The following RYR2 variants were observed in gnomAD, a reference collection of about 807,000 sequenced individuals.
RYR2 encodes ryanodine receptor 2.
Under a neutral mutation model 601.1 loss-of-function variants are expected in RYR2, and 227 were observed. That is an observed-to-expected ratio of 0.38 (90% confidence interval 0.34 to 0.42). The LOEUF is 0.42. Ranked by LOEUF, RYR2 falls within the 10% of genes least tolerant of loss-of-function variation. RYR2 has a pLI of 1.00. For synonymous variants in RYR2, 2,223 were observed against 2,175.1 expected (o/e 1.02, Z -0.61); for missense variants, 4,646 against 6,156.5 (o/e 0.75, Z 8.21).
chr1:237,263,616 A>C (rs1231602554), intron 1 of RYR2, among the ~76,000 whole-genome samples: 1 of 152,202 alleles, frequency 6.6e-6, no homozygotes, highest in Non-Finnish European at 1.5e-5. Context: ...TGAGTGCTTC[A>C]AGATGTTTGT....
chr1:237,279,992 A>C (rs143262911), intron 2 of RYR2, among the ~76,000 whole-genome samples: 1 of 152,238 alleles, frequency 6.6e-6, no homozygotes. Flanking sequence ...TGGGCCTTGT[A>C]GATGTAACAA....
rs546732183 is a variant in RYR2, at chr1:237,649,966, C to G, written c.7602C>G (p.Leu2534=). ...CATTGTTAACAAGATGTGCTCCTCT[C>G]TTTGCTGGCACAGAGCACCACGCTT... is the stretch of plus-strand genomic sequence containing the variant. ...VLPLLTRCAP[L]FAGTEHHASL... is the part of the protein sequence containing the mutation. Residue 2534 remains leucine, a synonymous_variant, in exon 50 of 105, where the codon CTC becomes CTG. Transcript: ENST00000366574. The G allele has an allele frequency of 6.2e-6, 10 of 1,614,028 alleles. No individual in the cohort carries two copies. The highest frequency in any genetic ancestry group is 8.5e-6 in the Non-Finnish European group (10 of 1,179,898).
chr1:237,342,314 T>TA (rs1491528256), intron 3 of RYR2, among the ~76,000 whole-genome samples: 41 of 88,642 alleles, frequency 4.6e-4, no homozygotes, highest in African/African-American at 1.9e-3. Flanking sequence ...GGCTAATTAA[T>TA]TTTTTTTTTT....
At chr1:237,799,149 A>AAAT (rs1352228266) in intron 97 of RYR2, among the ~76,000 whole-genome samples, 5 of 152,240 alleles carry the variant, frequency 3.3e-5, no homozygotes, top group African/African-American at 7.2e-5. Context: ...TTGGATCAGC[A>AAAT]AATATGAATT....
At chr1:237,769,903 G>A (rs1694142417) in intron 84 of RYR2, among the ~76,000 whole-genome samples, 1 of 151,910 alleles carries the variant, frequency 6.6e-6, no homozygotes, top group Non-Finnish European at 1.5e-5. Flanking sequence ...CATTTGTGTG[G>A]TGCTGTTCTG....
At chr1:237,674,051 C>A in intron 58 of RYR2, 45 bp from the exon 59 acceptor site, 1 of 1,539,062 alleles carries the variant, frequency 6.5e-7, no homozygotes, top group Non-Finnish European at 8.9e-7. Flanking sequence ...ATCTCAGATT[C>A]TTTTCAAATT....
At chr1:237,370,213 C>T (rs1189850782) in intron 6 of RYR2, among the ~76,000 whole-genome samples, 1 of 151,880 alleles carries the variant, frequency 6.6e-6, no homozygotes, top group Non-Finnish European at 1.5e-5. Context: ...ATTACATATA[C>T]AGCTGACCCT....
At chr1:237,380,655 AAAG>A (rs1326951723) in intron 8 of RYR2, among the ~76,000 whole-genome samples, 1 of 151,848 alleles carries the variant, frequency 6.6e-6, no homozygotes, top group African/African-American at 2.4e-5. Context: ...AAGAATGGTT[AAAG>A]AAGTTAGGCA....
intron 2 of RYR2, among the ~76,000 whole-genome samples, chr1:237,288,355 G>T (rs1691795240): frequency 6.6e-6 from 1 of 152,138 alleles, no homozygotes; most frequent in Admixed American, 6.5e-5. Flanking sequence ...AACTGGCGGT[G>T]GGCAGGGCCC....
Position 237,341,524 on chromosome 1 carries a change from G to A in RYR2, c.273+10542G>A, listed in dbSNP as rs555547331. Reference sequence around the variant, plus strand: ...CACCTTCTGAAGACTATGTATTCGCGGTCTGTTTATTGCCTTCCTATCCCC... The same window carrying A: ...CACCTTCTGAAGACTATGTATTCGCAGTCTGTTTATTGCCTTCCTATCCCC... On this transcript the variant is annotated intron_variant, in intron 3 of 104. Coordinates refer to ENST00000366574, the MANE Select transcript of RYR2 (RefSeq NM_001035.3). 2.9e-4 allele frequency: 114 copies of A among 394,056 alleles called. 1 individual carries two copies. The highest frequency in any genetic ancestry group is 5.6e-4 in the Non-Finnish European group (105 of 189,188). 24.4% of individuals were successfully genotyped at this position (394,056 alleles called of 1,614,324 possible).
At chr1:237,555,586 C>T (rs1386601243) in intron 27 of RYR2, among the ~76,000 whole-genome samples, 1 of 152,048 alleles carries the variant, frequency 6.6e-6, no homozygotes, top group East Asian at 1.9e-4. Context: ...ACCTGTTTTC[C>T]TTCCGCTCCC....
intron 29 of RYR2, among the ~76,000 whole-genome samples, chr1:237,573,212 A>T (rs1672874752): frequency 7.1e-6 from 1 of 141,318 alleles, no homozygotes; most frequent in African/African-American, 2.6e-5. Context: ...AGAAATTATT[A>T]TCTATGGAGA....
intron 1 of RYR2, among the ~76,000 whole-genome samples, chr1:237,088,776 C>G (rs1179376433): frequency 6.6e-6 from 1 of 152,170 alleles, no homozygotes; most frequent in Non-Finnish European, 1.5e-5. Flanking sequence ...AATCCTTTCT[C>G]ATAGTACTTA....
intron 27 of RYR2, among the ~76,000 whole-genome samples, chr1:237,565,042 C>T (rs1044463202): frequency 1.3e-5 from 2 of 152,144 alleles, no homozygotes; most frequent in African/African-American, 4.8e-5. Context: ...TTTTATTATG[C>T]ATAAAGTCTT....
chr1:237,492,658 T>C (rs773214514), intron 18 of RYR2, among the ~76,000 whole-genome samples: 1 of 151,948 alleles, frequency 6.6e-6, no homozygotes, highest in Admixed American at 6.6e-5. Context: ...CTGGGTAATA[T>C]AGCAATACCC....
At chr1:237,132,541 A>G (rs1257541699) in intron 1 of RYR2, among the ~76,000 whole-genome samples, 1 of 152,244 alleles carries the variant, frequency 6.6e-6, no homozygotes, top group African/African-American at 2.4e-5. Context: ...GACACTTCAG[A>G]GGCAGAATTG....
intron 97 of RYR2, among the ~76,000 whole-genome samples, chr1:237,799,032 C>T (rs533872366): frequency 6.6e-6 from 1 of 152,074 alleles, no homozygotes; most frequent in African/African-American, 2.4e-5. Context: ...AATCTGTTAG[C>T]TAGCATTAAA....
At chr1:237,346,725 T>C (rs1698343478) in intron 3 of RYR2, among the ~76,000 whole-genome samples, 2 of 152,194 alleles carry the variant, frequency 1.3e-5, no homozygotes, top group Admixed American at 1.3e-4. Flanking sequence ...AGTCAATCAC[T>C]GGCCTTACTT....
chr1:237,471,887 T>C (rs1324781958), intron 17 of RYR2, among the ~76,000 whole-genome samples: 1 of 152,192 alleles, frequency 6.6e-6, no homozygotes, highest in African/African-American at 2.4e-5. Flanking sequence ...AATCTAACAT[T>C]CTTACTTTAG....
Sources: gnomAD v4.1 joint callset for allele counts (sites outside exome capture counted in the v4.1 genomes callset) on GRCh38, gnomAD v4.1.1 for gene constraint, MANE v1.5 for transcripts, NCBI Gene and HGNC (gene_info 2026-07-23, HGNC 2026-07-21) for gene names.